Variants in PAPPA2 observed in about 807,000 individuals in gnomAD.
PAPPA2 encodes the protein pappalysin 2, also known as pappalysin-2.
In PAPPA2, 86 loss-of-function variants were observed where a neutral mutation model predicts 176.4. The observed-to-expected ratio is 0.49, with a 90% CI of 0.41 to 0.58. The LOEUF (loss-of-function observed/expected upper bound fraction) is 0.58, where lower values mean the gene tolerates loss of function less well. Ranked by LOEUF, PAPPA2 falls within the 20% of genes least tolerant of loss-of-function variation. PAPPA2 has a pLI of 0.00. For synonymous variants in PAPPA2, 809 were observed against 852.2 expected (o/e 0.95, Z 0.88); for missense variants, 2,073 against 2,256.9 (o/e 0.92, Z 1.65).
chr1:176,803,290 G>A (rs1269022634), intron 21 of PAPPA2, among the ~76,000 whole-genome samples: 4 of 152,164 alleles, frequency 2.6e-5, no homozygotes, highest in African/African-American at 9.7e-5. Context: ...CGCATTGAGT[G>A]TCATGCCTGG....
chr1:176,470,082 A>G (rs1329947999), intron 1 of PAPPA2, among the ~76,000 whole-genome samples: 2 of 152,188 alleles, frequency 1.3e-5, no homozygotes, highest in East Asian at 1.9e-4. Context: ...CAAAATGTTC[A>G]GTTAAGTCTC....
intron 14 of PAPPA2, among the ~76,000 whole-genome samples, chr1:176,756,088 A>G (rs1663405300): frequency 6.6e-6 from 1 of 152,104 alleles, no homozygotes; most frequent in Admixed American, 6.5e-5. Context: ...TCTCCCAAGT[A>G]GCTAGGATTA....
chr1:176,600,020 A>T (rs1284770562), intron 3 of PAPPA2, among the ~76,000 whole-genome samples: 1 of 152,058 alleles, frequency 6.6e-6, no homozygotes, highest in Non-Finnish European at 1.5e-5. Context: ...AAAAATATTA[A>T]TTTTTTATGA....
intron 9 of PAPPA2, 37 bp downstream of exon 9, chr1:176,702,772 TGTGTGAGA>T (rs1377012033): frequency 7.1e-6 from 11 of 1,553,676 alleles, no homozygotes; most frequent in African/African-American, 4.4e-5. Flanking sequence ...TGTGTGTGTG[TGTGTGAGA>T]GAGAGAGAGA....
intron 5 of PAPPA2, chr1:176,691,332 G>A (rs149347437): frequency 1.9e-4 from 47 of 248,658 alleles, no homozygotes; most frequent in African/African-American, 9.4e-4. Flanking sequence ...GGAGGAAAGC[G>A]TGATGAGCCG....
intron 12 of PAPPA2, among the ~76,000 whole-genome samples, chr1:176,735,245 AAAG>A (rs1457079523): frequency 1.3e-5 from 2 of 152,148 alleles, no homozygotes; most frequent in African/African-American, 2.4e-5. Flanking sequence ...TGCTATACAA[AAAG>A]AAGGTGATGC....
chr1:176,711,644 G>C (rs1343646449), intron 11 of PAPPA2, among the ~76,000 whole-genome samples, 191 bp from the exon 12 acceptor site: 2 of 152,124 alleles, frequency 1.3e-5, no homozygotes, highest in Admixed American at 1.3e-4. Context: ...TTCTACCCTT[G>C]TAAGTTATAT....
At chr1:176,779,519 C>CACAG (rs1451138087) in intron 17 of PAPPA2, among the ~76,000 whole-genome samples, 350 of 102,594 alleles carry the variant, frequency 3.4e-3, no homozygotes, top group East Asian at 6.5e-3. Flanking sequence ...CACACACACA[C>CACAG]AGAGAGAGAG....
At chr1:176,779,736 G>A (rs1018436321) in intron 17 of PAPPA2, among the ~76,000 whole-genome samples, 15 of 152,176 alleles carry the variant, frequency 9.9e-5, no homozygotes, top group African/African-American at 3.4e-4. Context: ...TAGAGGTTAT[G>A]TGATTTTTTT....
Position 176,789,914 on chromosome 1 carries a change from A to C in PAPPA2, c.4821A>C (p.Glu1607Asp), listed in dbSNP as rs775055765. ...PPPPVFEGMY[E>D]CTNGFSLDSQ... ...CTCCTGTGTTTGAAGGCATGTATGA[A>C]TGTACCAATGGCTTCAGCCTGGACA... Residue 1607 changes from glutamate (E) to aspartate (D), a missense_variant, in exon 18 of 23, where the codon GAA becomes GAC. Around this residue, in one of 4 missense-constraint regions of PAPPA2, gnomAD observed 846 missense variants for 857.9 expected, o/e 0.99. Transcript: ENST00000367662. 6.2e-7 allele frequency: 1 copy of C among 1,614,176 alleles called. No individual in the cohort carries two copies. Among genetic ancestry groups the C allele is most frequent in the South Asian group, 1.1e-5 (1 of 91,084 alleles).
chr1:176,694,300 G>T (rs1018944013), intron 6 of PAPPA2, among the ~76,000 whole-genome samples: 1 of 152,234 alleles, frequency 6.6e-6, no homozygotes, highest in African/African-American at 2.4e-5. Flanking sequence ...AGTTTCCAAA[G>T]TACTGGACGC....
At chr1:176,790,061 T>G (rs550787647) in intron 18 of PAPPA2, 84 bp downstream of exon 18, 11 of 1,474,960 alleles carry the variant, frequency 7.5e-6, no homozygotes, top group Non-Finnish European at 1.0e-5. Flanking sequence ...AAATGAAATT[T>G]CTAAAGAATT....
chr1:176,542,003 T>C (rs2102567704), intron 1 of PAPPA2, among the ~76,000 whole-genome samples: 1 of 152,372 alleles, frequency 6.6e-6, no homozygotes, highest in Non-Finnish European at 1.5e-5. Context: ...GAATAGTTTC[T>C]TATTTTCCTG....
intron 1 of PAPPA2, among the ~76,000 whole-genome samples, chr1:176,463,826 C>A (rs1331439232): frequency 6.6e-6 from 1 of 152,126 alleles, no homozygotes; most frequent in African/African-American, 2.4e-5. Context: ...ACATCCTCTG[C>A]AGACACCTTC....
chr1:176,773,817 G>T (rs1384078233), intron 17 of PAPPA2, among the ~76,000 whole-genome samples: 1 of 152,032 alleles, frequency 6.6e-6, no homozygotes, highest in Non-Finnish European at 1.5e-5. Context: ...TTCCCTTCCT[G>T]CTTCTTTTCA....
At chr1:176,583,137 C>T (rs1240165158) in intron 2 of PAPPA2, among the ~76,000 whole-genome samples, 1 of 151,958 alleles carries the variant, frequency 6.6e-6, no homozygotes, top group East Asian at 1.9e-4. Context: ...TCTTTTTTAA[C>T]TCTAGCTAAT....
chr1:176,491,008 G>A (rs1647264921), intron 1 of PAPPA2, among the ~76,000 whole-genome samples: 1 of 152,204 alleles, frequency 6.6e-6, no homozygotes, highest in Non-Finnish European at 1.5e-5. Flanking sequence ...TGCTGGCTCT[G>A]CCTGTAACCT....
intron 2 of PAPPA2, among the ~76,000 whole-genome samples, chr1:176,574,298 G>A (rs1012318796): frequency 7.2e-5 from 11 of 152,044 alleles, no homozygotes; most frequent in Non-Finnish European, 1.6e-4. Flanking sequence ...AATTAATTTT[G>A]TCTTCTCCAG....
chr1:176,782,402 G>C (rs1198942948), intron 17 of PAPPA2, among the ~76,000 whole-genome samples: 1 of 151,834 alleles, frequency 6.6e-6, no homozygotes, highest in Non-Finnish European at 1.5e-5. Context: ...AATAATTCAG[G>C]GTATGCATCC....
Sources: allele counts gnomAD v4.1 joint callset (sites outside exome capture counted in the v4.1 genomes callset), GRCh38; gene constraint gnomAD v4.1.1; regional missense constraint gnomAD v4.1.1; transcripts MANE v1.5; gene names NCBI Gene and HGNC (gene_info 2026-07-23, HGNC 2026-07-21).